ZFYVE9: variants seen among roughly 807,000 people sequenced by gnomAD.
ZFYVE9 encodes the protein zinc finger FYVE domain-containing protein 9.
A neutral mutation model predicts 126.7 loss-of-function variants in ZFYVE9; 43 were observed. That is an observed-to-expected ratio of 0.34 (90% CI 0.27 to 0.44). The LOEUF (loss-of-function observed/expected upper bound fraction) is 0.44, where lower values mean the gene tolerates loss of function less well. Ranked by LOEUF, ZFYVE9 falls within the 20% of genes least tolerant of loss-of-function variation. ZFYVE9 has a pLI of 1.00. For synonymous variants in ZFYVE9, 521 were observed against 597.4 expected (o/e 0.87, Z 1.87); for missense variants, 1,476 against 1,697.0 (o/e 0.87, Z 2.29).
chr1:52,186,983 T>C (rs1412512315), intron 1 of ZFYVE9, among the ~76,000 whole-genome samples: 40 of 152,168 alleles, frequency 2.6e-4, no homozygotes. Flanking sequence ...AAAATTCATA[T>C]GGAACCAAAA....
rs551549317 is a variant in ZFYVE9, at chr1:52,169,360, AC to A, written c.-143+26958del. Among the ~76,000 whole-genome samples the A allele has an allele frequency of 3.0e-3, 454 of 152,314 alleles. 2 individuals carry two copies. The highest frequency in any genetic ancestry group is 8.5e-3 in the South Asian group (41 of 4,826). The stretch of plus-strand genomic sequence containing the variant: ...GGCTGCCATGAGCCATGATTGTGCC[AC>A]TGCTCTCCAGCTTGGGTGACAGAGT... On this transcript the variant is annotated intron_variant, in intron 1 of 18. Transcript: ENST00000287727.
At position 52,321,302 on chromosome 1, in the gene ZFYVE9, T is replaced by G. The variant is rs539299740; in HGVS notation, c.3439-11466T>G. Among the ~76,000 whole-genome samples the G allele has an allele frequency of 9.8e-5, 15 of 152,330 alleles. 1 individual carries two copies. The South Asian group carries it at 3.1e-3, about 32-fold the overall frequency. On this transcript the variant is annotated intron_variant, in intron 13 of 18. Transcript: ENST00000287727. ...ATGGCGCTAAAATCTGTTTGAGGAA[T>G]GTTTGATTCTCTGGCCTTCAAGGAA...
At chr1:52,169,235 T>C (rs1644542389) in intron 1 of ZFYVE9, among the ~76,000 whole-genome samples, 1 of 151,986 alleles carries the variant, frequency 6.6e-6, no homozygotes, top group Non-Finnish European at 1.5e-5. Flanking sequence ...ACCCAATCTC[T>C]ACAAAAAATG....
intron 8 of ZFYVE9, among the ~76,000 whole-genome samples, chr1:52,276,182 A>G (rs573321911): frequency 6.6e-6 from 1 of 152,266 alleles, no homozygotes; most frequent in Non-Finnish European, 1.5e-5. Context: ...CTGGGATTAC[A>G]GGCGTGAGCT....
chr1:52,288,279 A>C (rs149967830), intron 10 of ZFYVE9, among the ~76,000 whole-genome samples: 103 of 152,300 alleles, frequency 6.8e-4, no homozygotes, highest in African/African-American at 2.4e-3. Flanking sequence ...AACCATAAGA[A>C]GTACTATAGT....
intron 1 of ZFYVE9, among the ~76,000 whole-genome samples, chr1:52,205,415 G>A (rs1411646389): frequency 1.3e-5 from 2 of 151,728 alleles, no homozygotes; most frequent in Non-Finnish European, 2.9e-5. Flanking sequence ...CTCTGTTGCC[G>A]AGTCTGGAGT....
rs58857376 is a variant in ZFYVE9, at chr1:52,272,673, C to CTTTTTTTT, written c.2626-1778_2626-1771dup. Reference sequence around the variant, plus strand: ...ATGAAATGAAGCTGCTAGAAATAATCTTTTTTTTTTTTTTTTTTTTGAGTC... The same window carrying CTTTTTTTT: ...ATGAAATGAAGCTGCTAGAAATAATCTTTTTTTTTTTTTTTTTTTTTTTTTTTTGAGTC... On this transcript the variant is annotated intron_variant, in intron 7 of 18. Coordinates refer to ENST00000287727, the MANE Select transcript of ZFYVE9 (RefSeq NM_004799.4). Among the ~76,000 whole-genome samples the CTTTTTTTT allele has an allele frequency of 4.6e-3, 556 of 121,212 alleles. 29 individuals carry two copies. Among genetic ancestry groups the CTTTTTTTT allele is most frequent in the African/African-American group, 0.018 (534 of 29,548 alleles). The allele number at this position is 121,212 out of a possible 152,430, so 79.5% of individuals were successfully genotyped here. A position where few individuals can be genotyped will look rare whatever the true frequency, so the allele number is the denominator to read the frequency against.
intron 13 of ZFYVE9, among the ~76,000 whole-genome samples, chr1:52,312,507 C>T (rs929885597): frequency 2.0e-5 from 3 of 152,306 alleles, no homozygotes; most frequent in East Asian, 1.9e-4. Flanking sequence ...TAGCATCTAA[C>T]GTAGCTAATT....
chr1:52,301,745 A>G (rs1646037642), intron 12 of ZFYVE9, among the ~76,000 whole-genome samples: 1 of 152,132 alleles, frequency 6.6e-6, no homozygotes, highest in Admixed American at 6.6e-5. Context: ...TTTTCATCTG[A>G]TATTTTTTCT....
chr1:52,152,624 GTC>G (rs1203635552), intron 1 of ZFYVE9, among the ~76,000 whole-genome samples: 1 of 152,098 alleles, frequency 6.6e-6, no homozygotes, highest in Non-Finnish European at 1.5e-5. Flanking sequence ...ACAGTATCCT[GTC>G]TCTCCCAGCA....
At chr1:52,151,007 A>G (rs1288785) in intron 1 of ZFYVE9, among the ~76,000 whole-genome samples, 1,336 of 106,580 alleles carry the variant, frequency 0.013, 21 homozygotes, top group African/African-American at 0.049. Flanking sequence ...TTTTTTTTTT[A>G]GTAGTAGTAG....
intron 1 of ZFYVE9, among the ~76,000 whole-genome samples, chr1:52,148,935 A>G (rs1644328959): frequency 7.7e-6 from 1 of 130,196 alleles, no homozygotes; most frequent in Non-Finnish European, 1.6e-5. Context: ...CACTGTTCCC[A>G]GCCTTAACAT....
At chr1:52,161,317 T>C (rs901263865) in intron 1 of ZFYVE9, among the ~76,000 whole-genome samples, 2 of 152,104 alleles carry the variant, frequency 1.3e-5, no homozygotes, top group Non-Finnish European at 2.9e-5. Context: ...GGAGACAGAG[T>C]CTTGCTCTAT....
At chr1:52,162,289 G>A (rs540068776) in intron 1 of ZFYVE9, 2 of 383,598 alleles carry the variant, frequency 5.2e-6, no homozygotes, top group East Asian at 6.5e-5. Context: ...CTTCATATCT[G>A]TCATATCCAC....
intron 13 of ZFYVE9, among the ~76,000 whole-genome samples, chr1:52,316,186 A>G (rs547971894): frequency 0.012 from 1,737 of 147,220 alleles, 44 homozygotes; most frequent in African/African-American, 0.042. Flanking sequence ...AAAAAAAAAA[A>G]AAAAGAAAAG....
intron 1 of ZFYVE9, among the ~76,000 whole-genome samples, chr1:52,146,952 T>G (rs1644311463): frequency 6.6e-6 from 1 of 152,182 alleles, no homozygotes; most frequent in Admixed American, 6.6e-5. Context: ...GTCCAAAACT[T>G]TTTGAGCACT....
intron 16 of ZFYVE9, among the ~76,000 whole-genome samples, chr1:52,338,919 G>C (rs1646412069): frequency 6.6e-6 from 1 of 152,162 alleles, no homozygotes; most frequent in Non-Finnish European, 1.5e-5. Context: ...GCTGAGGCAG[G>C]AGACTCACTT....
chr1:52,252,651 C>T, intron 4 of ZFYVE9: 1 of 321,984 alleles, frequency 3.1e-6, no homozygotes, highest in Non-Finnish European at 6.5e-6. Flanking sequence ...AGCCACCACG[C>T]CTGGCCGAAA....
At chr1:52,255,913 C>CTTTTCTTTTCTTTTCTTTTCTT (rs1645504837) in intron 4 of ZFYVE9, among the ~76,000 whole-genome samples, 1 of 62,030 alleles carries the variant, frequency 1.6e-5, no homozygotes, top group South Asian at 4.5e-4. Context: ...CTTTTCTTTT[C>CTTTTCTTTTCTTTTCTTTTCTT]TTTTCTTTTC....
Sources: gnomAD v4.1 joint callset for allele counts (sites outside exome capture counted in the v4.1 genomes callset) on GRCh38, gnomAD v4.1.1 for gene constraint, MANE v1.5 for transcripts, NCBI Gene and HGNC (gene_info 2026-07-23, HGNC 2026-07-21) for gene names.